ANKRD33B: variants seen among roughly 807,000 people sequenced by gnomAD.
The protein encoded by ANKRD33B is ankyrin repeat domain-containing protein 33B.
In ANKRD33B, 6 loss-of-function variants were observed where a neutral mutation model predicts 21.5. That is an observed-to-expected ratio of 0.28 (90% confidence interval 0.15 to 0.55). The LOEUF (loss-of-function observed/expected upper bound fraction) is 0.55. Ranked by LOEUF, ANKRD33B falls within the 20% of genes least tolerant of loss-of-function variation. The pLI, the probability that ANKRD33B is intolerant of heterozygous loss-of-function variation, is 0.94. For synonymous variants in ANKRD33B, 347 were observed against 342.4 expected, an observed-to-expected ratio of 1.01 and a Z score of -0.15; for missense variants, 698 against 747.2, an observed-to-expected ratio of 0.93 and a Z score of 0.77.
At position 10,649,863 on chromosome 5, in the gene ANKRD33B, T is replaced by G. The variant is rs1286992191; in HGVS notation, c.1235T>G (p.Leu412Arg). 2 of 1,435,336 alleles carry G rather than the reference T, an allele frequency of 1.4e-6. No homozygotes were observed. The highest frequency in any genetic ancestry group is 3.0e-5 in the African/African-American group (2 of 66,654). The allele number at this position is 1,435,336 out of a possible 1,614,324, so 88.9% of individuals were successfully genotyped here. The change falls in exon 4 of 4, where the codon CTG becomes CGG. Residue 412 changes from leucine to arginine, a missense_variant. Physicochemically the swap from Leu to Arg is moderately radical, Grantham distance 102. Around this residue, in one of 3 missense-constraint regions of ANKRD33B, gnomAD observed 543 missense variants for 566.5 expected, o/e 0.96. Transcript: ENST00000296657. The stretch of plus-strand genomic sequence containing the variant: ...GCCAGCCTCCTGCCCCTGCAGCGCC[T>G]GCGGCGGAGAAGCGTGCGGCCCGGT... ...RKASLLPLQR[L>R]RRRSVRPGVV... is the part of the protein sequence containing the mutation.
intron 1 of ANKRD33B, among the ~76,000 whole-genome samples, chr5:10,601,734 T>C (rs993089078): frequency 3.3e-5 from 5 of 152,250 alleles, no homozygotes; most frequent in African/African-American, 1.2e-4. Flanking sequence ...ATGCTCTCCG[T>C]GGATGTGCTG....
intron 1 of ANKRD33B, among the ~76,000 whole-genome samples, chr5:10,588,611 G>A (rs1412362671): frequency 6.6e-6 from 1 of 152,214 alleles, no homozygotes; most frequent in Non-Finnish European, 1.5e-5. Flanking sequence ...CCAATTCAGT[G>A]AGAAGTGACT....
intron 3 of ANKRD33B, among the ~76,000 whole-genome samples, chr5:10,642,479 A>G (rs575714873): frequency 3.9e-5 from 6 of 152,190 alleles, no homozygotes; most frequent in Non-Finnish European, 8.8e-5. Context: ...GAACAGAAAC[A>G]GTCCAGGAAC....
intron 1 of ANKRD33B, 41 bp from the exon 2 acceptor site, chr5:10,618,292 C>T (rs368210033): frequency 3.7e-5 from 57 of 1,535,608 alleles, no homozygotes; most frequent in African/African-American, 1.5e-4. Flanking sequence ...CACCATGCTC[C>T]GACTCTGCCC....
chr5:10,607,388 A>G (rs764314425), intron 1 of ANKRD33B, among the ~76,000 whole-genome samples: 3 of 152,244 alleles, frequency 2.0e-5, no homozygotes, highest in Non-Finnish European at 4.4e-5. Context: ...GGAAGGTGGC[A>G]CATCGTCCAC....
At chr5:10,564,941 TCACTCAG>T in intron 1 of ANKRD33B, 108 bp downstream of exon 1, 1 of 1,374,660 alleles carries the variant, frequency 7.3e-7, no homozygotes, top group Non-Finnish European at 9.6e-7. Context: ...GGTCCCTCGG[TCACTCAG>T]CCGCCGCCCA....
chr5:10,566,466 C>G (rs1408964210), intron 1 of ANKRD33B, among the ~76,000 whole-genome samples: 1 of 152,168 alleles, frequency 6.6e-6, no homozygotes, highest in African/African-American at 2.4e-5. Context: ...CCTCACCAAG[C>G]TCATAAAGGA....
chr5:10,575,903 C>T (rs1219962703), intron 1 of ANKRD33B, among the ~76,000 whole-genome samples: 1 of 152,010 alleles, frequency 6.6e-6, no homozygotes, highest in Non-Finnish European at 1.5e-5. Context: ...CCTTTCAGTG[C>T]TGGAACCTTT....
At chr5:10,595,115 GGAGGGGAGTCACGCCA>G (rs1460876367) in intron 1 of ANKRD33B, among the ~76,000 whole-genome samples, 5 of 152,156 alleles carry the variant, frequency 3.3e-5, no homozygotes, top group Non-Finnish European at 5.9e-5. Flanking sequence ...TGTGGAGGGT[GGAGGGGAGTCACGCCA>G]GAGGGAGGTG....
chr5:10,632,822 C>G (rs760932407), intron 2 of ANKRD33B, among the ~76,000 whole-genome samples: 3 of 152,208 alleles, frequency 2.0e-5, no homozygotes, highest in Admixed American at 1.3e-4. Context: ...GTGTCTTGCT[C>G]TGTTGCCCAG....
intron 1 of ANKRD33B, among the ~76,000 whole-genome samples, chr5:10,588,586 T>C (rs1420656436): frequency 2.0e-5 from 3 of 152,236 alleles, no homozygotes; most frequent in Non-Finnish European, 4.4e-5. Flanking sequence ...CACTTGGCCA[T>C]GTCACTTGCT....
intron 2 of ANKRD33B, among the ~76,000 whole-genome samples, chr5:10,634,952 G>A (rs1425291484): frequency 1.3e-5 from 2 of 148,868 alleles, no homozygotes; most frequent in Non-Finnish European, 3.0e-5. Context: ...TCTGTGTGAT[G>A]AGAGGTATTA....
At chr5:10,612,342 C>A (rs1377159883) in intron 1 of ANKRD33B, among the ~76,000 whole-genome samples, 2 of 152,154 alleles carry the variant, frequency 1.3e-5, no homozygotes, top group Non-Finnish European at 2.9e-5. Flanking sequence ...TTACTGTGTC[C>A]CCACAGGGTG....
intron 1 of ANKRD33B, among the ~76,000 whole-genome samples, chr5:10,610,794 C>T (rs1809475): frequency 0.87 from 131,731 of 152,262 alleles, 57,042 homozygotes; most frequent in East Asian, 0.94. Flanking sequence ...TCTGTAATCC[C>T]GGCACTTTGG....
rs1036930946 is a variant in ANKRD33B at position 10,650,569 on chromosome 5, C to T, written c.*456C>T. On this transcript the variant is annotated 3_prime_UTR_variant, in exon 4 of 4. Transcript: ENST00000296657. ...TTCTAGCAATAAGTATCCATGATAC[C>T]TGTATGAGTTCACACAGACATCATG... is the stretch of plus-strand genomic sequence containing the variant. 6.6e-6 allele frequency: 1 copy of T among 152,596 alleles called. No individual in the cohort carries two copies. Among genetic ancestry groups the T allele is most frequent in the African/African-American group, 2.4e-5 (1 of 41,430 alleles). The allele number at this position is 152,596 out of a possible 1,614,324, so 9.5% of individuals were successfully genotyped here.
At chr5:10,620,408 C>T (rs1736395506) in intron 2 of ANKRD33B, among the ~76,000 whole-genome samples, 1 of 152,062 alleles carries the variant, frequency 6.6e-6, no homozygotes, top group Non-Finnish European at 1.5e-5. Context: ...AAGAGGTCTC[C>T]ATGGCAAGTC....
intron 2 of ANKRD33B, among the ~76,000 whole-genome samples, chr5:10,627,749 C>T (rs1265332394): frequency 6.6e-6 from 1 of 152,176 alleles, no homozygotes; most frequent in South Asian, 2.1e-4. Flanking sequence ...CAGTTTATAC[C>T]GTTTCAAATA....
At chr5:10,592,906 C>T (rs1370346636) in intron 1 of ANKRD33B, among the ~76,000 whole-genome samples, 36 of 152,240 alleles carry the variant, frequency 2.4e-4, no homozygotes, top group Non-Finnish European at 5.9e-5. Flanking sequence ...CAGACCCATC[C>T]ACCCATCCTT....
At chr5:10,641,835 C>T (rs549030254) in intron 3 of ANKRD33B, among the ~76,000 whole-genome samples, 1 of 152,040 alleles carries the variant, frequency 6.6e-6, no homozygotes, top group African/African-American at 2.4e-5. Flanking sequence ...CGAGTCCTAT[C>T]GATTGTACTT....
Sources: gnomAD v4.1 joint callset for allele counts (sites outside exome capture counted in the v4.1 genomes callset) on GRCh38, gnomAD v4.1.1 for gene constraint, gnomAD v4.1.1 regional missense constraint, MANE v1.5 for transcripts, NCBI Gene and HGNC (gene_info 2026-07-23, HGNC 2026-07-21) for gene names.